OR2C1: variants seen among roughly 807,000 people sequenced by gnomAD.
OR2C1 encodes the protein olfactory receptor family 2 subfamily C member 1, also known as olfactory receptor 2C1.
For missense variants in OR2C1, 468 were observed against 388.3 expected, an observed-to-expected ratio of 1.21 and a Z score of -1.73; for synonymous variants, 209 against 167.3, an observed-to-expected ratio of 1.25 and a Z score of -1.92.
chr16:3,356,580 A>G lies in OR2C1; in HGVS notation c.640A>G (p.Ile214Val), dbSNP rs781486697. Residue 214 changes from isoleucine (I) to valine (V), a missense_variant, in exon 1 of 1, where the codon ATC becomes GTC. By Grantham distance (29) the Ile-to-Val change is conservative. Transcript: ENST00000304936. ...CTTCACTGCAGTCCCACTAAGCATC[A>G]TCGTGATCTCCTACTGCCTCATTGC... Reference protein sequence around the residue: ...TFFTAVPLSIIVISYCLIAQA... With the variant: ...TFFTAVPLSIVVISYCLIAQA... 71 of 1,614,064 alleles carry G rather than the reference A, an allele frequency of 4.4e-5. No homozygotes were observed. Among genetic ancestry groups the G allele is most frequent in the Non-Finnish European group, 5.8e-5 (68 of 1,180,052 alleles).
the OR2C1 span, among the ~76,000 whole-genome samples, chr16:3,345,257 G>A: frequency 6.6e-6 from 1 of 151,792 alleles, no homozygotes; most frequent in Non-Finnish European, 1.5e-5. Context: ...TCATGAGGTC[G>A]GCAGATCACG....
At position 3,356,889 on chromosome 16, in the gene OR2C1, CCTT is replaced by C; in HGVS notation, c.*12_*14del. On this transcript the variant is annotated 3_prime_UTR_variant, in exon 1 of 1. Coordinates refer to ENST00000304936, the MANE Select transcript of OR2C1 (RefSeq NM_012368.3). ...AAGAGAAGTTGGCTGAGAGAACACT[CCTT>C]CGTTATTTATTGCGTCTTCATCTCT... The C allele has an allele frequency of 1.9e-6, 3 of 1,547,904 alleles. No individual in the cohort carries two copies. The highest frequency in any genetic ancestry group is 2.6e-6 in the Non-Finnish European group (3 of 1,145,548).
chr16:3,346,546 G>C, the OR2C1 span, among the ~76,000 whole-genome samples: 1 of 151,286 alleles, frequency 6.6e-6, no homozygotes, highest in African/African-American at 2.4e-5. Flanking sequence ...TGAGGGTTCC[G>C]TCTTGCTCTG....
At chr16:3,334,568 C>G in the OR2C1 span, among the ~76,000 whole-genome samples, 2 of 149,120 alleles carry the variant, frequency 1.3e-5, no homozygotes, top group Admixed American at 1.3e-4. Context: ...CCAAGCTGGG[C>G]AGATTGCTTG....
At chr16:3,346,622 ATC>A in the OR2C1 span, among the ~76,000 whole-genome samples, 2 of 72,498 alleles carry the variant, frequency 2.8e-5, no homozygotes, top group Non-Finnish European at 5.3e-5. Context: ...ATGTCCATGC[ATC>A]TTTTTTTTTT....
chr16:3,356,443 T>C lies in OR2C1; in HGVS notation c.503T>C (p.Leu168Ser). ...TCAACATTCACTCTGCAGCTCCCAT[T>C]GTGTGGGCACCGGAGGGTGGAGGGA... ...IQSTFTLQLP[L>S]CGHRRVEGFL... Residue 168 changes from leucine to serine, a missense_variant, in exon 1 of 1, where the codon TTG becomes TCG. By Grantham distance (145) the Leu-to-Ser change is moderately radical. Transcript: ENST00000304936. 1 of 1,613,958 alleles carries C rather than the reference T, an allele frequency of 6.2e-7. No homozygotes were observed. The highest frequency in any genetic ancestry group is 8.5e-7 in the Non-Finnish European group (1 of 1,180,034).
At chr16:3,322,944 T>A in the OR2C1 span, 1 of 985,118 alleles carries the variant, frequency 1.0e-6, no homozygotes, top group Admixed American at 6.2e-5. Flanking sequence ...CAGGACTACT[T>A]CCGCCGACAA....
At chr16:3,338,945 C>G in the OR2C1 span, among the ~76,000 whole-genome samples, 3 of 152,184 alleles carry the variant, frequency 2.0e-5, no homozygotes, top group Non-Finnish European at 4.4e-5. Context: ...CCACCAGCTT[C>G]ATCTAGTTCC....
At chr16:3,337,690 G>A in the OR2C1 span, among the ~76,000 whole-genome samples, 6 of 152,046 alleles carry the variant, frequency 3.9e-5, no homozygotes, top group Non-Finnish European at 8.8e-5. Flanking sequence ...CCTTAGAAAT[G>A]CTATTTTGAA....
At chr16:3,331,861 T>C in the OR2C1 span, among the ~76,000 whole-genome samples, 1 of 150,502 alleles carries the variant, frequency 6.6e-6, no homozygotes, top group Non-Finnish European at 1.5e-5. Flanking sequence ...ATTAAGAAAA[T>C]GTGGCACATA....
chr16:3,332,720 C>CATATATATATATAT, the OR2C1 span, among the ~76,000 whole-genome samples: 1,061 of 148,702 alleles, frequency 7.1e-3, 7 homozygotes, highest in Admixed American at 0.016. Flanking sequence ...TATTCTATTG[C>CATATATATATATAT]ATATATATAT....
At chr16:3,353,982 T>C (rs2030615659), upstream of OR2C1, among the ~76,000 whole-genome samples, 1 of 126,422 alleles carries the variant, frequency 7.9e-6, no homozygotes, top group Admixed American at 7.5e-5. Context: ...TCTTTTCTTT[T>C]CTTTTTTTTT....
the OR2C1 span, among the ~76,000 whole-genome samples, chr16:3,329,908 T>G: frequency 6.7e-6 from 1 of 149,078 alleles, no homozygotes; most frequent in Non-Finnish European, 1.5e-5. Context: ...GTGCCCGCCA[T>G]TATGCCTGGC....
the OR2C1 span, among the ~76,000 whole-genome samples, chr16:3,335,351 G>C: frequency 6.6e-6 from 1 of 152,008 alleles, no homozygotes; most frequent in African/African-American, 2.4e-5. Context: ...ATGCTCTTCA[G>C]TGTCTTTCAC....
At position 3,356,703 on chromosome 16, in the gene OR2C1, G is replaced by A; in HGVS notation, c.763G>A (p.Ala255Thr). The A allele has an allele frequency of 6.2e-7, 1 of 1,614,212 alleles. No individual in the cohort carries two copies. The highest frequency in any genetic ancestry group is 1.1e-5 in the South Asian group (1 of 91,090). ...GGTGGTGTTCCTCTTCTATGGCTCA[G>A]CCAGCTATGGGTATCTGCTTCCGGC... is the stretch of plus-strand genomic sequence containing the variant. ...LLVVFLFYGS[A>T]SYGYLLPAKN... Residue 255 changes from alanine to threonine, a missense_variant, in exon 1 of 1, where the codon GCC (alanine) becomes ACC (threonine). Ala to Thr is a moderately conservative substitution (Grantham distance 58). Coordinates refer to ENST00000304936, the MANE Select transcript of OR2C1 (RefSeq NM_012368.3).
chr16:3,323,011 G>C, the OR2C1 span: 7 of 795,092 alleles, frequency 8.8e-6, no homozygotes, highest in Non-Finnish European at 1.1e-5. Flanking sequence ...ACTGTGATGA[G>C]AGGTACTTGC....
At chr16:3,323,639 A>G in the OR2C1 span, 5 of 715,626 alleles carry the variant, frequency 7.0e-6, no homozygotes, top group Middle Eastern at 2.9e-4. Context: ...CACGCCAACA[A>G]TCCTTTTGCT....
chr16:3,352,920 T>C (rs979279889), upstream of OR2C1, among the ~76,000 whole-genome samples: 1 of 151,656 alleles, frequency 6.6e-6, no homozygotes, highest in Non-Finnish European at 1.5e-5. Flanking sequence ...TTTTTTTTAT[T>C]TTTAGTAGAG....
the OR2C1 span, among the ~76,000 whole-genome samples, chr16:3,332,850 T>C: frequency 6.6e-6 from 1 of 152,132 alleles, no homozygotes; most frequent in African/African-American, 2.4e-5. Flanking sequence ...GGAACTCAGA[T>C]ATCTCTTCAA....
Sources: gnomAD v4.1 joint callset for allele counts (sites outside exome capture counted in the v4.1 genomes callset) on GRCh38, gnomAD v4.1.1 for gene constraint, MANE v1.5 for transcripts, NCBI Gene and HGNC (gene_info 2026-07-23, HGNC 2026-07-21) for gene names.